CARD10: variants seen among roughly 807,000 people sequenced by gnomAD.
CARD10 encodes caspase recruitment domain family member 10, also known as caspase recruitment domain-containing protein 10.
A neutral mutation model predicts 114.6 loss-of-function variants in CARD10; 49 were observed. The ratio of observed to expected loss-of-function variants is 0.43; its 90% CI spans 0.34 to 0.54. CARD10 has a LOEUF of 0.54. Among genes scored for constraint, CARD10 ranks in the 20% least tolerant of loss-of-function variants. The pLI is 0.03. For missense variants in CARD10, 1,206 were observed against 1,397.2 expected, an observed-to-expected ratio of 0.86 and a Z score of 2.18; for synonymous variants, 602 against 593.2, an observed-to-expected ratio of 1.01 and a Z score of -0.21.
chr22:37,518,572 A>C (rs1254089215), intron 1 of CARD10, among the ~76,000 whole-genome samples: 1 of 152,204 alleles, frequency 6.6e-6, no homozygotes, highest in Non-Finnish European at 1.5e-5. Flanking sequence ...GGACTCCCCC[A>C]GGAGTGTATG....
chr22:37,515,834 G>A, intron 3 of CARD10, 139 bp downstream of exon 3: 1 of 648,626 alleles, frequency 1.5e-6, no homozygotes. Flanking sequence ...ACCCAATGAA[G>A]TAGGTACACC....
rs751756533 is a variant in CARD10, at chr22:37,510,303, TCCTTC to T, written c.813_817del (p.Lys272AlafsTer9). On this transcript the variant is annotated frameshift_variant, in exon 4 of 20. Coordinates refer to ENST00000251973, the MANE Select transcript of CARD10 (RefSeq NM_014550.4). LOFTEE classifies it high-confidence loss of function. ...AGAGACAAGGTCCACATTGTCTGGC[TCCTTC>T]TCCTTCTCCTTCTCCTTCTCCTTCT... is the stretch of plus-strand genomic sequence containing the variant. 1.1e-4 allele frequency: 102 copies of T among 923,212 alleles called. No individual in the cohort carries two copies. The Middle Eastern group carries it at 1.9e-3, about 17-fold the overall frequency. 57.2% of individuals were successfully genotyped at this position (923,212 alleles called of 1,614,324 possible).
chr22:37,494,549 T>C (rs548113248), intron 15 of CARD10: 148 of 289,330 alleles, frequency 5.1e-4, no homozygotes, highest in South Asian at 8.4e-4. Flanking sequence ...TCTCTTCCAA[T>C]GAATTAGCAA....
At chr22:37,491,429 G>T in intron 19 of CARD10, 36 bp from the exon 20 acceptor site, 1 of 1,400,542 alleles carries the variant, frequency 7.1e-7, no homozygotes, top group Non-Finnish European at 9.4e-7. Flanking sequence ...TCAAAGTGGG[G>T]GACCAAGACA....
chr22:37,500,814 C>G (rs1339088692), intron 11 of CARD10, among the ~76,000 whole-genome samples: 3 of 152,192 alleles, frequency 2.0e-5, no homozygotes, highest in Non-Finnish European at 4.4e-5. Context: ...GATTAAACAA[C>G]AATGGCGACA....
chr22:37,497,721 G>A (rs919946349), intron 11 of CARD10, among the ~76,000 whole-genome samples: 16 of 151,992 alleles, frequency 1.1e-4, no homozygotes, highest in South Asian at 4.1e-4. Flanking sequence ...AAAATTAGCC[G>A]GGCGTGGTGG....
intron 9 of CARD10, among the ~76,000 whole-genome samples, chr22:37,503,574 T>C (rs1435695259): frequency 6.6e-6 from 1 of 152,118 alleles, no homozygotes; most frequent in Non-Finnish European, 1.5e-5. Flanking sequence ...GTACGCCTCC[T>C]AAATTAAACC....
intron 4 of CARD10, chr22:37,509,268 C>A: frequency 1.3e-6 from 1 of 796,760 alleles, no homozygotes; most frequent in Non-Finnish European, 1.9e-6. Context: ...ACTAAGCAAG[C>A]CCTAGGGCCC....
Position 37,494,151 on chromosome 22 carries a change from C to T in CARD10, c.2411G>A (p.Arg804Lys), listed in dbSNP as rs376324506. Residue 804 changes from arginine (R) to lysine (K), a missense_variant, in exon 16 of 20, where the codon AGG becomes AAG. Arg to Lys is a conservative substitution (Grantham distance 26, BLOSUM62 2). Transcript: ENST00000251973. ...TGCAGGCGCCCCCACGGGCTTGGGC[C>T]TCACCAGCCGCAGCTGGTCCAGGGC... Reference protein sequence around the residue: ...KRALDQLRLVRPKPVGAPAGD... With the variant: ...KRALDQLRLVKPKPVGAPAGD... 3 of 1,557,686 alleles carry T rather than the reference C, an allele frequency of 1.9e-6. No individual in the cohort carries two copies. In the African/African-American group the frequency reaches 4.1e-5, roughly 21 times the overall value.
rs559669037 is a variant in CARD10 at position 37,517,719 on chromosome 22, A to G, written c.373+252T>C. ...AACTATACATCTGTGTATGTCAGAC[A>G]TATGTCTGAAAACAGTATCACGAAG... On this transcript the variant is annotated intron_variant, in intron 2 of 19. Coordinates refer to ENST00000251973, the MANE Select transcript of CARD10 (RefSeq NM_014550.4). Among the ~76,000 whole-genome samples the G allele has an allele frequency of 3.3e-5, 5 of 152,310 alleles. No homozygotes were observed. In the East Asian group the frequency reaches 9.6e-4, roughly 29 times the overall value.
At position 37,492,924 on chromosome 22, in the gene CARD10, C is replaced by T; in HGVS notation, c.2477-122G>A. 1 of 951,948 alleles carries T rather than the reference C, an allele frequency of 1.1e-6. No homozygotes were observed. Among genetic ancestry groups the T allele is most frequent in the Non-Finnish European group, 1.6e-6 (1 of 642,642 alleles). 59.0% of individuals were successfully genotyped at this position (951,948 alleles called of 1,614,324 possible). A position where few individuals can be genotyped will look rare whatever the true frequency, so the allele number is the denominator to read the frequency against. ...CTAAGTCCTGCTGCTGCTCCTCCTA[C>T]ACATGCACACACACACACCCTTAGT... On this transcript the variant is annotated intron_variant, in intron 16 of 19. Transcript: ENST00000251973. This position sits in a 1 kb window ranked among gnomAD's most constrained non-coding sequence, Gnocchi z 5.7.
chr22:37,504,765 C>A lies in CARD10; in HGVS notation c.1388G>T (p.Cys463Phe). 1 of 1,538,480 alleles carries A rather than the reference C, an allele frequency of 6.5e-7. No homozygotes were observed. Among genetic ancestry groups the A allele is most frequent in the Non-Finnish European group, 8.7e-7 (1 of 1,144,658 alleles). ...GGAGCACAGGGAATGGGAGGAGGCACAGGCCTGGAAGAGGGAGAGGAGAGG... is the reference window on the plus strand; with the variant it reads ...GGAGCACAGGGAATGGGAGGAGGCAAAGGCCTGGAAGAGGGAGAGGAGAGG... ...RAQGGTCLKA[C>F]ASSHSLCSNL... Residue 463 changes from cysteine (C) to phenylalanine (F), a missense_variant, in exon 8 of 20, where the codon TGT becomes TTT. Coordinates refer to ENST00000251973, the MANE Select transcript of CARD10 (RefSeq NM_014550.4).
chr22:37,496,398 G>A lies in CARD10; in HGVS notation c.2059+51C>T. 2 of 1,375,502 alleles carry A rather than the reference G, an allele frequency of 1.5e-6. No individual in the cohort carries two copies. The highest frequency in any genetic ancestry group is 2.1e-6 in the Non-Finnish European group (2 of 971,712). 85.2% of individuals were successfully genotyped at this position (1,375,502 alleles called of 1,614,324 possible). ...TCCCTCCCCACCCCATGCACCACGG[G>A]TTAGAGGACCCCTCTGGGGCCAACA... is the stretch of plus-strand genomic sequence containing the variant. On this transcript the variant is annotated intron_variant, in intron 13 of 19. Transcript: ENST00000251973. This position sits in a 1 kb window ranked among gnomAD's most constrained non-coding sequence, Gnocchi z 4.1.
chr22:37,515,030 A>T (rs1319001724), intron 3 of CARD10, among the ~76,000 whole-genome samples: 1 of 152,188 alleles, frequency 6.6e-6, no homozygotes, highest in Non-Finnish European at 1.5e-5. Context: ...AGCCAGCCGG[A>T]CCCGGTTCAA....
chr22:37,509,248 G>T, intron 4 of CARD10: 1 of 1,040,358 alleles, frequency 9.6e-7, no homozygotes, highest in Non-Finnish European at 1.3e-6. Context: ...CCACTGACCT[G>T]CCGCAGGACA....
intron 19 of CARD10, 25 bp from the exon 20 acceptor site, chr22:37,491,418 G>A (rs1289839051): frequency 2.8e-6 from 4 of 1,435,032 alleles, no homozygotes; most frequent in South Asian, 1.4e-5. Context: ...GTGAGCAGCG[G>A]TCAAAGTGGG....
intron 9 of CARD10, 133 bp downstream of exon 9, chr22:37,504,053 C>T: frequency 1.3e-6 from 1 of 756,014 alleles, no homozygotes; most frequent in South Asian, 1.5e-5. Context: ...TCCAGAGCTC[C>T]AGCCATCTGA....
At position 37,492,355 on chromosome 22, in the gene CARD10, C is replaced by T. The variant is rs940470376; in HGVS notation, c.2751+80G>A. 1.9e-5 allele frequency: 21 copies of T among 1,093,046 alleles called. No homozygotes were observed. Among genetic ancestry groups the T allele is most frequent in the South Asian group, 3.2e-5 (2 of 62,674 alleles). The allele number at this position is 1,093,046 out of a possible 1,614,324, so 67.7% of individuals were successfully genotyped here. A position where few individuals can be genotyped will look rare whatever the true frequency, so the allele number is the denominator to read the frequency against. ...CAGCAGAGCATGGCCCGCGCTCAGA[C>T]GCTGGCGCTCAAGCCCAGAACAGCA... On this transcript the variant is annotated intron_variant, in intron 18 of 19. Coordinates refer to ENST00000251973, the MANE Select transcript of CARD10 (RefSeq NM_014550.4). The surrounding 1 kb of genome is among the most constrained non-coding windows in gnomAD (Gnocchi z 5.7).
chr22:37,503,660 C>A (rs1257134136), intron 9 of CARD10, among the ~76,000 whole-genome samples: 1 of 152,164 alleles, frequency 6.6e-6, no homozygotes, highest in African/African-American at 2.4e-5. Context: ...CCTCCCAGGG[C>A]CCAGCCTCTC....
Sources: gnomAD v4.1 joint callset for allele counts (sites outside exome capture counted in the v4.1 genomes callset) on GRCh38, gnomAD v4.1.1 for gene constraint, Gnocchi (gnomAD v3.1) non-coding constraint, MANE v1.5 for transcripts, NCBI Gene and HGNC (gene_info 2026-07-23, HGNC 2026-07-21) for gene names.